Variants in DIAPH2 observed in about 807,000 individuals in gnomAD.
The protein encoded by DIAPH2 is protein diaphanous homolog 2.
Under a neutral mutation model 92.7 loss-of-function variants are expected in DIAPH2, and 35 were observed. That is an observed-to-expected ratio of 0.38 (90% CI 0.29 to 0.50). DIAPH2 has a LOEUF of 0.50. Among genes scored for constraint, DIAPH2 ranks in the 20% least tolerant of loss-of-function variants. The pLI is 0.94. For synonymous variants in DIAPH2, 301 were observed against 280.4 expected (o/e 1.07, Z -0.73); for missense variants, 701 against 819.5 (o/e 0.86, Z 1.77).
At chrX:97,119,794 G>A (rs963193936) in intron 21 of DIAPH2, among the ~76,000 whole-genome samples, 14 of 111,270 alleles carry the variant, frequency 1.3e-4, no homozygotes, top group African/African-American at 4.3e-4. Flanking sequence ...GGTTGCCTCT[G>A]CTGAGTCATG....
At chrX:97,547,630 G>A (rs1329313777) in intron 26 of DIAPH2, among the ~76,000 whole-genome samples, 1 of 112,402 alleles carries the variant, frequency 8.9e-6, no homozygotes, top group Non-Finnish European at 1.9e-5. Flanking sequence ...CAGATTGAAT[G>A]TTGATAACCT....
Position 96,930,857 on chromosome X carries a change from A to G in DIAPH2, c.1089+14A>G. ...ACAATGTTACCAGTAAGTTGAATGTATACATTTATTATGCTGATGAATTTT... is the reference window on the plus strand; with the variant it reads ...ACAATGTTACCAGTAAGTTGAATGTGTACATTTATTATGCTGATGAATTTT... On this transcript the variant is annotated intron_variant, in intron 10 of 26. Transcript: ENST00000324765. 1 of 1,165,912 alleles carries G rather than the reference A, an allele frequency of 8.6e-7. No homozygotes were observed. The highest frequency in any genetic ancestry group is 1.1e-6 in the Non-Finnish European group (1 of 875,769).
At chrX:96,979,749 A>C (rs1602684936) in intron 17 of DIAPH2, among the ~76,000 whole-genome samples, 1 of 112,512 alleles carries the variant, frequency 8.9e-6, no homozygotes, top group East Asian at 2.8e-4. Flanking sequence ...CATTGCACTA[A>C]GACAAGTACA....
At chrX:97,251,344 C>A (rs1214768851) in intron 23 of DIAPH2, among the ~76,000 whole-genome samples, 2 of 110,552 alleles carry the variant, frequency 1.8e-5, no homozygotes, top group East Asian at 5.7e-4. Flanking sequence ...CTGGGGGCAA[C>A]CCATGAAGGC....
intron 4 of DIAPH2, among the ~76,000 whole-genome samples, chrX:96,779,487 C>T (rs2064400837): frequency 8.9e-6 from 1 of 112,038 alleles, no homozygotes; most frequent in African/African-American, 3.2e-5. Context: ...TGATGTGATA[C>T]ATTTATTCAC....
At chrX:97,002,660 G>A (rs915351756) in intron 17 of DIAPH2, among the ~76,000 whole-genome samples, 21 of 110,014 alleles carry the variant, frequency 1.9e-4, no homozygotes, top group Non-Finnish European at 5.7e-5. Context: ...TTTTATTTTC[G>A]TGGGTCCATA....
In DIAPH2 at chrX:97,130,435, C is replaced by A. The variant is rs2067130414; in HGVS notation, c.2590-11230C>A. 3.6e-5 allele frequency among the ~76,000 whole-genome samples: 4 copies of A among 111,673 alleles called. No individual in the cohort carries two copies. The South Asian group carries it at 1.5e-3, about 42-fold the overall frequency. On this transcript the variant is annotated intron_variant, in intron 21 of 26. Transcript: ENST00000324765. ...TGTTCAGCCTTTAAAAGGAATGAAA[C>A]TCTGGTATATGTTATATTATAATAT... is the stretch of plus-strand genomic sequence containing the variant.
intron 1 of DIAPH2, among the ~76,000 whole-genome samples, chrX:96,732,006 G>T (rs1423741790): frequency 9.1e-6 from 1 of 110,419 alleles, no homozygotes; most frequent in African/African-American, 3.3e-5. Context: ...AAAGATTTTT[G>T]GGGGGGTCAT....
At chrX:97,582,676 T>A (rs1232541211) in intron 26 of DIAPH2, among the ~76,000 whole-genome samples, 16 of 107,783 alleles carry the variant, frequency 1.5e-4, no homozygotes, top group African/African-American at 3.0e-4. Context: ...TCTCGAGGAG[T>A]ATCTTTGTGG....
At chrX:96,736,103 A>G (rs953395158) in intron 2 of DIAPH2, among the ~76,000 whole-genome samples, 1 of 111,575 alleles carries the variant, frequency 9.0e-6, no homozygotes, top group Non-Finnish European at 1.9e-5. Flanking sequence ...TTGTGAATGT[A>G]TTAAACATTA....
At chrX:97,157,997 C>G (rs1212643532) in intron 22 of DIAPH2, among the ~76,000 whole-genome samples, 3 of 111,832 alleles carry the variant, frequency 2.7e-5, no homozygotes, top group Non-Finnish European at 5.6e-5. Context: ...GGTAGAATTA[C>G]CTCTCTCTAA....
intron 26 of DIAPH2, among the ~76,000 whole-genome samples, chrX:97,571,834 A>G (rs1317924927): frequency 9.0e-6 from 1 of 111,704 alleles, no homozygotes; most frequent in Admixed American, 9.5e-5. Context: ...ACCCTTCTTT[A>G]ATAAAATATT....
intron 23 of DIAPH2, among the ~76,000 whole-genome samples, chrX:97,325,818 T>C (rs1477163551): frequency 1.8e-5 from 2 of 111,651 alleles, no homozygotes; most frequent in East Asian, 2.8e-4. Flanking sequence ...ACCTCGTGAT[T>C]CACCTGCCTT....
chrX:97,286,041 CTT>C (rs756488579), intron 23 of DIAPH2, among the ~76,000 whole-genome samples: 11 of 91,501 alleles, frequency 1.2e-4, no homozygotes, highest in African/African-American at 8.0e-5. Context: ...AGCCCAGAAA[CTT>C]TTTTTTTTTT....
At chrX:96,953,318 A>G (rs2065788895) in intron 15 of DIAPH2, among the ~76,000 whole-genome samples, 1 of 111,597 alleles carries the variant, frequency 9.0e-6, no homozygotes, top group South Asian at 3.8e-4. Context: ...AAACTACTAC[A>G]ATTACTGATG....
intron 17 of DIAPH2, among the ~76,000 whole-genome samples, chrX:96,988,035 T>G (rs974097273): frequency 1.4e-4 from 15 of 110,228 alleles, no homozygotes; most frequent in Admixed American, 1.3e-3. Context: ...AAGTATGGGT[T>G]CCTTAATAAT....
chrX:97,457,932 G>A (rs1349801062), intron 26 of DIAPH2, among the ~76,000 whole-genome samples: 1 of 111,800 alleles, frequency 8.9e-6, no homozygotes, highest in Non-Finnish European at 1.9e-5. Flanking sequence ...AGAACTGTGA[G>A]CAATAAATAC....
intron 22 of DIAPH2, among the ~76,000 whole-genome samples, chrX:97,158,922 G>A (rs1895380938): frequency 8.9e-6 from 1 of 112,234 alleles, no homozygotes; most frequent in South Asian, 3.7e-4. Context: ...AGGGAGTCAT[G>A]AGAGATTAAT....
chrX:96,743,873 G>A (rs945948693), intron 3 of DIAPH2, among the ~76,000 whole-genome samples: 2 of 111,835 alleles, frequency 1.8e-5, no homozygotes, highest in Non-Finnish European at 3.8e-5. Flanking sequence ...GTGAGGTAAT[G>A]CACATATTAA....
Sources: allele counts gnomAD v4.1 joint callset (sites outside exome capture counted in the v4.1 genomes callset), GRCh38; gene constraint gnomAD v4.1.1; transcripts MANE v1.5; gene names NCBI Gene and HGNC (gene_info 2026-07-23, HGNC 2026-07-21).